The following EXOC4 variants were observed in gnomAD, a reference collection of about 807,000 sequenced individuals.
The protein encoded by EXOC4 is SEC8-like 1.
Under a neutral mutation model 107.2 loss-of-function variants are expected in EXOC4, and 71 were observed. That is an observed-to-expected ratio of 0.66 (90% CI 0.55 to 0.81). EXOC4 has a LOEUF of 0.81. Ranked by LOEUF, EXOC4 falls within the 30% of genes least tolerant of loss-of-function variation. The probability of loss-of-function intolerance (pLI) is 0.00; values close to 1 mark genes in which losing one functional copy is unlikely to be tolerated. For synonymous variants in EXOC4, 456 were observed against 441.2 expected (o/e 1.03, Z -0.42); for missense variants, 1,108 against 1,189.6 (o/e 0.93, Z 1.01).
intron 11 of EXOC4, among the ~76,000 whole-genome samples, chr7:133,894,054 T>A (rs1240385518): frequency 3.2e-5 from 3 of 92,924 alleles, no homozygotes; most frequent in Admixed American, 1.7e-4. Flanking sequence ...TCCGCATCAC[T>A]TTCAGGTACA....
chr7:133,405,386 G>A (rs531159225), intron 7 of EXOC4, among the ~76,000 whole-genome samples: 2 of 152,184 alleles, frequency 1.3e-5, no homozygotes, highest in Non-Finnish European at 1.5e-5. Flanking sequence ...ATTGTAAAAC[G>A]TTAAATTTTT....
At chr7:134,007,629 T>A in intron 16 of EXOC4, 47 bp from the exon 17 acceptor site, 1 of 1,523,334 alleles carries the variant, frequency 6.6e-7, no homozygotes, top group South Asian at 1.3e-5. Flanking sequence ...GGAATGCCTC[T>A]AATCTGTCAT....
intron 10 of EXOC4, among the ~76,000 whole-genome samples, chr7:133,734,813 C>T (rs2151120853): frequency 6.6e-6 from 1 of 151,858 alleles, no homozygotes; most frequent in Non-Finnish European, 1.5e-5. Flanking sequence ...ACTTCTGATC[C>T]CAAGCGTTTT....
downstream of EXOC4, among the ~76,000 whole-genome samples, chr7:134,070,867 C>A (rs1468145303): frequency 6.6e-6 from 1 of 152,092 alleles, no homozygotes; most frequent in African/African-American, 2.4e-5. Flanking sequence ...ACCTCAGATT[C>A]CTGCTGACTT....
At chr7:133,652,689 C>T (rs151275607) in intron 10 of EXOC4, among the ~76,000 whole-genome samples, 46 of 152,240 alleles carry the variant, frequency 3.0e-4, no homozygotes, top group African/African-American at 1.1e-3. Flanking sequence ...AGCCACAGGT[C>T]AAAGGCCTTA....
At chr7:133,950,008 T>C (rs1800653401) in intron 14 of EXOC4, among the ~76,000 whole-genome samples, 1 of 152,232 alleles carries the variant, frequency 6.6e-6, no homozygotes, top group African/African-American at 2.4e-5. Flanking sequence ...TCTTCTTTTT[T>C]ATTCTTTCTC....
the EXOC4 span, among the ~76,000 whole-genome samples, chr7:134,072,327 G>A: frequency 6.6e-6 from 1 of 152,036 alleles, no homozygotes; most frequent in Admixed American, 6.5e-5. Context: ...AGTTATACAT[G>A]AAAAAAAATG....
chr7:133,630,127 C>A lies in EXOC4; in HGVS notation c.1500C>A (p.Phe500Leu). The change falls in exon 10 of 18, where the codon TTC becomes TTA. Residue 500 changes from phenylalanine (F) to leucine (L), a missense_variant. Physicochemically the swap from Phe to Leu is conservative, Grantham distance 22. Transcript: ENST00000253861. ...GAGCCAGAAACATTACCGTCATATT[C>A]CACCCATTACTAAGGTAAGTCAAGT... ...KPGARNITVIFHPLLRFIQEI... is the reference protein window; with the variant it reads ...KPGARNITVILHPLLRFIQEI... The A allele has an allele frequency of 1.2e-6, 2 of 1,612,554 alleles. No individual in the cohort carries two copies. Among genetic ancestry groups the A allele is most frequent in the South Asian group, 2.2e-5 (2 of 91,030 alleles).
At chr7:133,798,607 C>A (rs771254894) in intron 10 of EXOC4, among the ~76,000 whole-genome samples, 1 of 152,268 alleles carries the variant, frequency 6.6e-6, no homozygotes, top group African/African-American at 2.4e-5. Context: ...CCTCATTTTA[C>A]AGATTAGGAG....
chr7:133,541,425 T>G (rs986391455), intron 9 of EXOC4, among the ~76,000 whole-genome samples: 6 of 152,222 alleles, frequency 3.9e-5, no homozygotes, highest in African/African-American at 1.4e-4. Context: ...CTTAAATAGT[T>G]GCCTCATAAA....
chr7:133,629,955 G>C, intron 9 of EXOC4, 90 bp from the exon 10 acceptor site: 1 of 845,212 alleles, frequency 1.2e-6, no homozygotes, highest in Non-Finnish European at 2.0e-6. Context: ...TCCTAATTAT[G>C]ACAGTATAGG....
intron 9 of EXOC4, among the ~76,000 whole-genome samples, chr7:133,620,504 T>C (rs1035261012): frequency 1.3e-4 from 20 of 152,186 alleles, no homozygotes; most frequent in African/African-American, 4.8e-4. Context: ...ACAAAACTTG[T>C]ACCTGGATGT....
intron 5 of EXOC4, among the ~76,000 whole-genome samples, chr7:133,320,928 A>C (rs985526597): frequency 2.0e-5 from 3 of 152,224 alleles, no homozygotes; most frequent in Non-Finnish European, 2.9e-5. Flanking sequence ...CTTATTCTTA[A>C]TAATAAACTG....
chr7:133,764,991 C>T (rs557188027), intron 10 of EXOC4, among the ~76,000 whole-genome samples: 4 of 152,096 alleles, frequency 2.6e-5, no homozygotes, highest in East Asian at 3.9e-4. Flanking sequence ...AGATATGAAT[C>T]GCTAGGTAAC....
intron 10 of EXOC4, among the ~76,000 whole-genome samples, chr7:133,664,183 A>G (rs1163107775): frequency 6.6e-6 from 1 of 152,120 alleles, no homozygotes; most frequent in Non-Finnish European, 1.5e-5. Context: ...TTCTTCCAGC[A>G]TGCCCTACTT....
rs1309886338 is a variant in EXOC4, at chr7:133,839,009, A to T, written c.1734+21465A>T. The stretch of plus-strand genomic sequence containing the variant: ...ATATGTCTACATGGGATTGTTTTAT[A>T]ATGGTGTTAGGCATACATACAATGA... On this transcript the variant is annotated intron_variant, in intron 11 of 17. Coordinates refer to ENST00000253861, the MANE Select transcript of EXOC4 (RefSeq NM_021807.4). Among the ~76,000 whole-genome samples the T allele has an allele frequency of 2.0e-5, 3 of 152,108 alleles. No homozygotes were observed. The East Asian group carries it at 5.8e-4, about 29-fold the overall frequency.
chr7:134,073,230 A>AAAAAAAAAAAAAAAAAAAC, the EXOC4 span, among the ~76,000 whole-genome samples: 1 of 18,426 alleles, frequency 5.4e-5, no homozygotes, highest in African/African-American at 2.7e-4. Context: ...AAAAAAAAAA[A>AAAAAAAAAAAAAAAAAAAC]AACAACAAAG....
intron 9 of EXOC4, among the ~76,000 whole-genome samples, chr7:133,620,905 A>G (rs1210863632): frequency 6.6e-6 from 1 of 152,238 alleles, no homozygotes. Flanking sequence ...TCACAAAGGT[A>G]GGAATGCTCC....
intron 5 of EXOC4, among the ~76,000 whole-genome samples, chr7:133,326,801 C>A (rs1018173157): frequency 1.3e-5 from 2 of 152,212 alleles, no homozygotes; most frequent in Non-Finnish European, 2.9e-5. Flanking sequence ...GCCCTGCCCC[C>A]AGAGGTGCAG....
Sources: allele counts gnomAD v4.1 joint callset (sites outside exome capture counted in the v4.1 genomes callset), GRCh38; gene constraint gnomAD v4.1.1; transcripts MANE v1.5; gene names NCBI Gene and HGNC (gene_info 2026-07-23, HGNC 2026-07-21).